The following C17orf67 variants were observed in gnomAD, a reference collection of about 807,000 sequenced individuals.
The protein encoded by C17orf67 is uncharacterized protein C17orf67.
In C17orf67, 12 loss-of-function variants were observed where a neutral mutation model predicts 11.2. The ratio of observed to expected loss-of-function variants is 1.07; its 90% CI spans 0.68 to 1.73. The LOEUF (loss-of-function observed/expected upper bound fraction) is 1.73. Among genes scored for constraint, C17orf67 ranks in the 40% most tolerant of loss-of-function variants. The probability of loss-of-function intolerance (pLI) is 0.00; values close to 1 mark genes in which losing one functional copy is unlikely to be tolerated. For synonymous variants in C17orf67, 59 were observed against 46.9 expected (o/e 1.26, Z -1.05); for missense variants, 115 against 113.5 (o/e 1.01, Z -0.06).
chr17:56,833,143 T>G lies in C17orf67; in HGVS notation c.-802A>C, dbSNP rs372048650. 7 of 152,544 alleles carry G rather than the reference T, an allele frequency of 4.6e-5. No individual in the cohort carries two copies. The East Asian group carries it at 1.4e-3, about 29-fold the overall frequency. The allele number at this position is 152,544 out of a possible 1,614,324, so 9.4% of individuals were successfully genotyped here. ...ATGTAGTAGGAAGGAAGCCGCTGAGTGCAGCTGTGCGCGCCGGGGCGGTGC... is the reference window on the plus strand; with the variant it reads ...ATGTAGTAGGAAGGAAGCCGCTGAGGGCAGCTGTGCGCGCCGGGGCGGTGC... On this transcript the variant is annotated 5_prime_UTR_variant, in exon 2 of 8. Transcript: ENST00000397861.
chr17:56,799,869 G>T (rs192052102), intron 6 of C17orf67, among the ~76,000 whole-genome samples: 8 of 151,666 alleles, frequency 5.3e-5, no homozygotes, highest in Non-Finnish European at 1.2e-4. Context: ...TTCTTCAGTA[G>T]ATGTCTATTC....
intron 6 of C17orf67, among the ~76,000 whole-genome samples, chr17:56,808,715 T>G (rs1905517153): frequency 6.6e-6 from 1 of 152,228 alleles, no homozygotes; most frequent in Non-Finnish European, 1.5e-5. Flanking sequence ...GCCCTTTGTG[T>G]GCACGGGCAC....
intron 4 of C17orf67, among the ~76,000 whole-genome samples, chr17:56,818,671 ATAT>A (rs1308556979): frequency 1.3e-5 from 2 of 152,240 alleles, no homozygotes; most frequent in Non-Finnish European, 2.9e-5. Flanking sequence ...AAATATTTTA[ATAT>A]TATATTTTAA....
chr17:56,821,909 C>A (rs1478094200), intron 4 of C17orf67, among the ~76,000 whole-genome samples: 1 of 152,170 alleles, frequency 6.6e-6, no homozygotes, highest in East Asian at 1.9e-4. Flanking sequence ...GTTAAGTGTG[C>A]CCTCTGACAT....
chr17:56,829,079 G>C (rs1015605227), intron 2 of C17orf67, among the ~76,000 whole-genome samples: 2 of 152,024 alleles, frequency 1.3e-5, no homozygotes, highest in Non-Finnish European at 2.9e-5. Flanking sequence ...AGGAGTTCAA[G>C]ACCAGCCTGG....
chr17:56,817,812 C>T (rs1257620105), intron 4 of C17orf67, among the ~76,000 whole-genome samples: 1 of 151,906 alleles, frequency 6.6e-6, no homozygotes, highest in East Asian at 1.9e-4. Flanking sequence ...TATTAACATC[C>T]TTCTGTTTTC....
intron 7 of C17orf67, among the ~76,000 whole-genome samples, chr17:56,794,610 A>G (rs775771759): frequency 1.4e-4 from 22 of 152,170 alleles, no homozygotes; most frequent in Non-Finnish European, 2.5e-4. Flanking sequence ...GGAAGGCAGT[A>G]GGGAACAGGA....
At chr17:56,807,036 G>A (rs1217187192) in intron 6 of C17orf67, among the ~76,000 whole-genome samples, 1 of 152,228 alleles carries the variant, frequency 6.6e-6, no homozygotes, top group Non-Finnish European at 1.5e-5. Context: ...TACAAACAGT[G>A]GTGTGGAGTA....
chr17:56,821,125 G>A (rs1905894248), intron 4 of C17orf67, among the ~76,000 whole-genome samples: 3 of 151,850 alleles, frequency 2.0e-5, no homozygotes, highest in Admixed American at 2.0e-4. Flanking sequence ...GTCTTGCTAT[G>A]TTGTCCAGGC....
intron 6 of C17orf67, among the ~76,000 whole-genome samples, chr17:56,809,929 C>T (rs2144128030): frequency 6.9e-6 from 1 of 145,814 alleles, no homozygotes; most frequent in Non-Finnish European, 1.5e-5. Flanking sequence ...TCACACACCC[C>T]TCACACATAC....
chr17:56,821,941 A>T (rs577632431), intron 4 of C17orf67, among the ~76,000 whole-genome samples: 4 of 152,304 alleles, frequency 2.6e-5, no homozygotes, highest in African/African-American at 9.6e-5. Flanking sequence ...CTACAAAAAG[A>T]CCTTCCCCCC....
chr17:56,815,658 A>T, intron 5 of C17orf67, 98 bp downstream of exon 5: 1 of 990,036 alleles, frequency 1.0e-6, no homozygotes, highest in Non-Finnish European at 1.3e-6. Flanking sequence ...ATATCTATAT[A>T]CACTATATAT....
chr17:56,831,531 G>A (rs527471592), intron 2 of C17orf67, among the ~76,000 whole-genome samples: 3 of 152,226 alleles, frequency 2.0e-5, no homozygotes, highest in Admixed American at 2.0e-4. Context: ...CAAGGAACGT[G>A]GAGGATCATT....
intron 6 of C17orf67, among the ~76,000 whole-genome samples, chr17:56,807,012 G>A (rs1470334028): frequency 6.6e-6 from 1 of 152,220 alleles, no homozygotes; most frequent in African/African-American, 2.4e-5. Flanking sequence ...TGAAATGCTT[G>A]TTAAATATTC....
chr17:56,794,671 T>C (rs749421455), intron 7 of C17orf67, among the ~76,000 whole-genome samples: 5 of 152,196 alleles, frequency 3.3e-5, no homozygotes, highest in Non-Finnish European at 7.4e-5. Flanking sequence ...GTGATGATCA[T>C]GGTAGATGTC....
intron 6 of C17orf67, among the ~76,000 whole-genome samples, chr17:56,813,104 G>A (rs1326793520): frequency 6.6e-6 from 1 of 152,158 alleles, no homozygotes; most frequent in Non-Finnish European, 1.5e-5. Flanking sequence ...ACTGCTTTGA[G>A]GACTCTTCAA....
intron 1 of C17orf67, 96 bp downstream of exon 1, chr17:56,833,522 G>C (rs1174422118): frequency 2.7e-5 from 4 of 150,360 alleles, no homozygotes; most frequent in Non-Finnish European, 5.9e-5. Flanking sequence ...GGCGACGAGC[G>C]GGCGGCTGCC....
rs372856191 is a variant in C17orf67 at position 56,795,039 on chromosome 17, C to T, written c.*20+5G>A. 127 of 1,581,040 alleles carry T rather than the reference C, an allele frequency of 8.0e-5. No individual in the cohort carries two copies. Among genetic ancestry groups the T allele is most frequent in the South Asian group, 3.8e-4 (34 of 90,312 alleles). ...CAGAGGTCCGGGAGAGAGAAGGAGACGTACCGAGGCTGGTCCTGATCCCCT... is the reference window on the plus strand; with the variant it reads ...CAGAGGTCCGGGAGAGAGAAGGAGATGTACCGAGGCTGGTCCTGATCCCCT... On this transcript the variant is annotated splice_donor_5th_base_variant and intron_variant, in intron 7 of 7. Transcript: ENST00000397861.
rs914562924 is a variant in C17orf67, at chr17:56,804,397, T to C, written c.157-9217A>G. 9 of 152,354 alleles carry C rather than the reference T, an allele frequency of 5.9e-5. No homozygotes were observed. The South Asian group carries it at 1.2e-3, about 21-fold the overall frequency. 9.4% of individuals were successfully genotyped at this position (152,354 alleles called of 1,614,324 possible). Reference sequence around the variant, plus strand: ...TTGGAAAAATTATTTTGCTCATTAGTACAAGCAAGGTAATCCTATATATAG... The same window carrying C: ...TTGGAAAAATTATTTTGCTCATTAGCACAAGCAAGGTAATCCTATATATAG... On this transcript the variant is annotated intron_variant, in intron 6 of 7. Coordinates refer to ENST00000397861, the MANE Select transcript of C17orf67 (RefSeq NM_001085430.4).
Sources: gnomAD v4.1 joint callset for allele counts (sites outside exome capture counted in the v4.1 genomes callset) on GRCh38, gnomAD v4.1.1 for gene constraint, MANE v1.5 for transcripts, NCBI Gene and HGNC (gene_info 2026-07-23, HGNC 2026-07-21) for gene names.